MAGI1: variants seen among roughly 807,000 people sequenced by gnomAD.
MAGI1 encodes the protein membrane-associated guanylate kinase, WW and PDZ domain-containing protein 1.
In MAGI1, 58 loss-of-function variants were observed where a neutral mutation model predicts 139.9. The ratio of observed to expected loss-of-function variants is 0.41; its 90% confidence interval spans 0.34 to 0.52. MAGI1 has a LOEUF of 0.52. Among genes scored for constraint, MAGI1 ranks in the 20% least tolerant of loss-of-function variants. MAGI1 has a pLI of 0.12. For missense variants in MAGI1, 1,874 were observed against 1,901.6 expected (o/e 0.99, Z 0.27); for synonymous variants, 812 against 737.9 (o/e 1.10, Z -1.63).
At chr3:65,489,278 G>A (rs1351767131) in intron 3 of MAGI1, among the ~76,000 whole-genome samples, 3 of 152,184 alleles carry the variant, frequency 2.0e-5, no homozygotes, top group Non-Finnish European at 4.4e-5. Flanking sequence ...CACCTTCAAA[G>A]TCAGGTAGTT....
intron 2 of MAGI1, among the ~76,000 whole-genome samples, chr3:65,523,675 C>T (rs965305421): frequency 1.3e-5 from 2 of 152,124 alleles, no homozygotes; most frequent in African/African-American, 4.8e-5. Flanking sequence ...GCCTCATGTG[C>T]TTGAAAAGGA....
chr3:65,913,109 A>C (rs1170378763), intron 1 of MAGI1, among the ~76,000 whole-genome samples: 1 of 152,006 alleles, frequency 6.6e-6, no homozygotes, highest in Non-Finnish European at 1.5e-5. Context: ...CCTACTACAA[A>C]AATTAGCCAG....
At chr3:65,507,383 C>G (rs1282708585) in intron 2 of MAGI1, among the ~76,000 whole-genome samples, 1 of 152,174 alleles carries the variant, frequency 6.6e-6, no homozygotes, top group Non-Finnish European at 1.5e-5. Flanking sequence ...TGAGCAAAGG[C>G]TGAGAAACAT....
chr3:65,898,891 T>C (rs2061096869), intron 1 of MAGI1, among the ~76,000 whole-genome samples: 1 of 152,144 alleles, frequency 6.6e-6, no homozygotes, highest in Admixed American at 6.6e-5. Flanking sequence ...TCAATTTAAG[T>C]AAATATATTT....
intron 12 of MAGI1, among the ~76,000 whole-genome samples, chr3:65,424,127 A>G (rs1341707731): frequency 6.6e-6 from 1 of 152,180 alleles, no homozygotes; most frequent in African/African-American, 2.4e-5. Context: ...GCATGAATGT[A>G]TGTATGTGTA....
chr3:65,519,548 G>A (rs1197454953), intron 2 of MAGI1, among the ~76,000 whole-genome samples: 1 of 152,028 alleles, frequency 6.6e-6, no homozygotes, highest in Non-Finnish European at 1.5e-5. Flanking sequence ...ACCACGGCTG[G>A]CTAATTTTTG....
chr3:65,726,581 T>C (rs1373784349), intron 1 of MAGI1, among the ~76,000 whole-genome samples: 3 of 152,196 alleles, frequency 2.0e-5, no homozygotes, highest in Admixed American at 6.5e-5. Context: ...CCTCAGTTCA[T>C]TGGTGATATC....
intron 1 of MAGI1, among the ~76,000 whole-genome samples, chr3:65,755,483 G>C (rs1009141206): frequency 6.6e-6 from 1 of 151,944 alleles, no homozygotes; most frequent in Admixed American, 6.6e-5. Flanking sequence ...ATTTTGTATA[G>C]AGTACTTCGG....
At chr3:65,968,335 T>C (rs1193068051) in intron 1 of MAGI1, among the ~76,000 whole-genome samples, 2 of 152,216 alleles carry the variant, frequency 1.3e-5, no homozygotes, top group African/African-American at 2.4e-5. Context: ...GATTCCAGCA[T>C]TGTTTGTAAA....
At chr3:65,808,109 C>T (rs895875374) in intron 1 of MAGI1, among the ~76,000 whole-genome samples, 2 of 151,960 alleles carry the variant, frequency 1.3e-5, no homozygotes, top group African/African-American at 4.8e-5. Context: ...CCTCCGCCTC[C>T]CGAGTAGCTG....
chr3:65,828,993 C>T (rs914079949), intron 1 of MAGI1, among the ~76,000 whole-genome samples: 1 of 152,130 alleles, frequency 6.6e-6, no homozygotes, highest in Admixed American at 6.6e-5. Flanking sequence ...CTTGGTACCA[C>T]AACCACAATG....
At chr3:65,363,257 A>T (rs1433735790) in intron 21 of MAGI1, among the ~76,000 whole-genome samples, 1 of 152,194 alleles carries the variant, frequency 6.6e-6, no homozygotes, top group Non-Finnish European at 1.5e-5. Flanking sequence ...AACCCCAAAG[A>T]GTTGGAAGTG....
chr3:65,606,570 T>C (rs1350923072), intron 2 of MAGI1, among the ~76,000 whole-genome samples: 3 of 151,990 alleles, frequency 2.0e-5, no homozygotes, highest in Non-Finnish European at 4.4e-5. Flanking sequence ...CAGACTGGAG[T>C]ATAGTGGCAT....
chr3:65,471,259 G>A (rs1001669181), intron 4 of MAGI1, among the ~76,000 whole-genome samples: 1 of 152,078 alleles, frequency 6.6e-6, no homozygotes. Context: ...ATCCCCGAAT[G>A]GCATTATTGA....
chr3:65,481,086 A>G (rs986715606), intron 3 of MAGI1, among the ~76,000 whole-genome samples: 4 of 152,212 alleles, frequency 2.6e-5, no homozygotes, highest in African/African-American at 9.6e-5. Context: ...GGTGCCAGGT[A>G]GAAACCTGAT....
intron 1 of MAGI1, among the ~76,000 whole-genome samples, chr3:65,784,985 T>C (rs1474114096): frequency 1.3e-5 from 2 of 151,634 alleles, no homozygotes; most frequent in East Asian, 2.0e-4. Context: ...TGACTACTAA[T>C]GGATATAGGA....
At chr3:65,795,447 G>A (rs1208617043) in intron 1 of MAGI1, among the ~76,000 whole-genome samples, 1 of 152,240 alleles carries the variant, frequency 6.6e-6, no homozygotes, top group East Asian at 1.9e-4. Flanking sequence ...GCTACATACT[G>A]TGTCATTCCA....
intron 1 of MAGI1, among the ~76,000 whole-genome samples, chr3:66,036,428 G>A (rs569591345): frequency 6.6e-6 from 1 of 152,248 alleles, no homozygotes; most frequent in African/African-American, 2.4e-5. Flanking sequence ...GTATGGAAAT[G>A]AGGACCTAAC....
Position 65,482,591 on chromosome 3 carries a change from G to A in MAGI1, c.551-3793C>T, listed in dbSNP as rs370831573. On this transcript the variant is annotated intron_variant, in intron 3 of 22. Transcript: ENST00000402939. ...AATTAACTAATGCAGAGTTTTCAAAGGTACTCTGTAAACTATAAGGTGTTA... is the reference window on the plus strand; with the variant it reads ...AATTAACTAATGCAGAGTTTTCAAAAGTACTCTGTAAACTATAAGGTGTTA... 1.2e-4 allele frequency among the ~76,000 whole-genome samples: 18 copies of A among 152,216 alleles called. 1 individual carries two copies. The highest frequency in any genetic ancestry group is 4.1e-4 in the African/African-American group (17 of 41,544).
Sources: allele counts gnomAD v4.1 joint callset (sites outside exome capture counted in the v4.1 genomes callset), GRCh38; gene constraint gnomAD v4.1.1; transcripts MANE v1.5; gene names NCBI Gene and HGNC (gene_info 2026-07-23, HGNC 2026-07-21).